The following AKAP9 variants were observed in gnomAD, a reference collection of about 807,000 sequenced individuals.
The protein encoded by AKAP9 is A-kinase anchor protein 9.
A neutral mutation model predicts 488.5 loss-of-function variants in AKAP9; 311 were observed. That is an observed-to-expected ratio of 0.64 (90% CI 0.58 to 0.70). The LOEUF is 0.70. AKAP9 is among the 30% of genes least tolerant of loss of function. The pLI, the probability that AKAP9 is intolerant of heterozygous loss-of-function variation, is 0.00. For missense variants in AKAP9, 4,215 were observed against 4,374.5 expected (o/e 0.96, Z 1.03); for synonymous variants, 1,462 against 1,483.5 (o/e 0.99, Z 0.33).
rs570611837 is a variant in AKAP9, at chr7:92,014,882, C to T, written c.3612+554C>T. On this transcript the variant is annotated intron_variant, in intron 10 of 49. Coordinates refer to ENST00000356239, the MANE Select transcript of AKAP9 (RefSeq NM_005751.5). ...GAACAGACACTAATTGTTGATGTTG[C>T]CATAGATGAGTTATAAGGACAAGAT... is the stretch of plus-strand genomic sequence containing the variant. 3.3e-5 allele frequency among the ~76,000 whole-genome samples: 5 copies of T among 152,140 alleles called. No individual in the cohort carries two copies. The East Asian group carries it at 9.7e-4, about 29-fold the overall frequency.
chr7:91,992,339 C>A, intron 4 of AKAP9, 128 bp downstream of exon 4: 1 of 801,618 alleles, frequency 1.2e-6, no homozygotes, highest in Non-Finnish European at 2.2e-6. Flanking sequence ...TTAATGTTTA[C>A]TAAAACAAAG....
chr7:92,023,027 G>C lies in AKAP9; in HGVS notation c.4148+18G>C, dbSNP rs375733678. 4.3e-4 allele frequency: 694 copies of C among 1,605,660 alleles called. No homozygotes were observed. The highest frequency in any genetic ancestry group is 5.8e-4 in the Non-Finnish European group (676 of 1,172,440). ...CCGCCAAGGTATTCATCTGCTTATA[G>C]CTTCATTCAACAGTATTTGTAGCTT... On this transcript the variant is annotated intron_variant, in intron 14 of 49. Coordinates refer to ENST00000356239, the MANE Select transcript of AKAP9 (RefSeq NM_005751.5).
intron 12 of AKAP9, 108 bp downstream of exon 12, chr7:92,017,210 A>T: frequency 1.2e-6 from 1 of 853,126 alleles, no homozygotes; most frequent in East Asian, 2.7e-5. Flanking sequence ...GAACATGAAA[A>T]AGGAGATTGG....
At chr7:92,061,543 T>C in intron 23 of AKAP9, 121 bp downstream of exon 23, 3 of 955,664 alleles carry the variant, frequency 3.1e-6, no homozygotes, top group Non-Finnish European at 4.6e-6. Context: ...TAAAAAGTAC[T>C]TGTGGTTTAT....
rs1294301871 is a variant in AKAP9 at position 92,110,169 on chromosome 7, ACAT to A, written c.*14_*16del. 1.3e-6 allele frequency: 2 copies of A among 1,592,526 alleles called. No individual in the cohort carries two copies. The highest frequency in any genetic ancestry group is 1.7e-6 in the Non-Finnish European group (2 of 1,163,976). ...TGGCATGAGAAGATAATCCTTTGAA[ACAT>A]CATTAATTGAAGTGATTTTAAATAG... On this transcript the variant is annotated 3_prime_UTR_variant, in exon 50 of 50. Coordinates refer to ENST00000356239, the MANE Select transcript of AKAP9 (RefSeq NM_005751.5).
At chr7:92,045,588 T>C (rs1047723146) in intron 21 of AKAP9, among the ~76,000 whole-genome samples, 1 of 152,170 alleles carries the variant, frequency 6.6e-6, no homozygotes, top group African/African-American at 2.4e-5. Context: ...TAAAGACTTT[T>C]TAGGAACCCA....
Position 91,940,928 on chromosome 7 carries a change from C to T in AKAP9, c.-172C>T. On this transcript the variant is annotated 5_prime_UTR_variant, in exon 1 of 50. It adds an upstream start codon to the 5' untranslated region. Transcript: ENST00000356239. ...ACGGCGCTTCCCGTGCGGCTGAGGA[C>T]GATCCGCCAGTGAGCGCGGAGACTG... 2.7e-6 allele frequency: 2 copies of T among 728,348 alleles called. No homozygotes were observed. Among genetic ancestry groups the T allele is most frequent in the Non-Finnish European group, 4.9e-6 (2 of 410,996 alleles). 45.1% of individuals were successfully genotyped at this position (728,348 alleles called of 1,614,324 possible).
At chr7:92,070,401 G>GTTTTGTT (rs112147456) in intron 27 of AKAP9, among the ~76,000 whole-genome samples, 195 bp downstream of exon 27, 1 of 145,436 alleles carries the variant, frequency 6.9e-6, no homozygotes, top group Non-Finnish European at 1.5e-5. Context: ...TGTTGTTGTT[G>GTTTTGTT]TTGTTTTGTT....
At chr7:92,034,601 A>G (rs191571491) in intron 16 of AKAP9, among the ~76,000 whole-genome samples, 1 of 147,836 alleles carries the variant, frequency 6.8e-6, no homozygotes, top group Non-Finnish European at 1.5e-5. Context: ...TCTGGATTCA[A>G]GTGATTCTCC....
chr7:92,011,782 T>C (rs1800782576), intron 8 of AKAP9, among the ~76,000 whole-genome samples: 1 of 152,216 alleles, frequency 6.6e-6, no homozygotes, highest in African/African-American at 2.4e-5. Flanking sequence ...CTGCATTCTA[T>C]GCACTGTTTT....
chr7:92,020,600 T>C (rs566445730), intron 12 of AKAP9, among the ~76,000 whole-genome samples: 1 of 152,374 alleles, frequency 6.6e-6, no homozygotes, highest in East Asian at 1.9e-4. Flanking sequence ...TTTCATGTTA[T>C]ATAATTGTTT....
At chr7:92,093,824 T>TTTTA (rs753217636) in intron 39 of AKAP9, among the ~76,000 whole-genome samples, 3 of 151,948 alleles carry the variant, frequency 2.0e-5, no homozygotes, top group Admixed American at 6.6e-5. Flanking sequence ...TTTATTTACT[T>TTTTA]TTTATTTATT....
At chr7:92,103,551 C>T (rs1817977083) in intron 46 of AKAP9, among the ~76,000 whole-genome samples, 1 of 151,130 alleles carries the variant, frequency 6.6e-6, no homozygotes, top group Non-Finnish European at 1.5e-5. Context: ...AAAAATTAGC[C>T]AGGCGTGGTG....
chr7:92,029,129 T>C (rs535668494), intron 14 of AKAP9, among the ~76,000 whole-genome samples: 30 of 151,980 alleles, frequency 2.0e-4, no homozygotes, highest in African/African-American at 4.8e-4. Context: ...CTTTTTTTTT[T>C]CCCATGGATC....
intron 16 of AKAP9, among the ~76,000 whole-genome samples, chr7:92,036,009 G>A (rs1056114369): frequency 5.3e-5 from 8 of 151,166 alleles, no homozygotes; most frequent in Admixed American, 5.3e-4. Flanking sequence ...AAATTCTTTA[G>A]AAGTTTTTTT....
chr7:91,981,255 C>T (rs553402773), intron 3 of AKAP9, among the ~76,000 whole-genome samples: 40 of 152,260 alleles, frequency 2.6e-4, no homozygotes, highest in African/African-American at 8.4e-4. Context: ...GGGGCGCATA[C>T]AGTTGGCCCT....
Position 92,001,262 on chromosome 7 carries a change from A to G in AKAP9, c.1345A>G (p.Lys449Glu). 1 of 1,614,006 alleles carries G rather than the reference A, an allele frequency of 6.2e-7. No homozygotes were observed. Among genetic ancestry groups the G allele is most frequent in the Non-Finnish European group, 8.5e-7 (1 of 1,179,920 alleles). The change falls in exon 8 of 50, where the codon AAA becomes GAA. Residue 449 changes from lysine (K) to glutamate (E), a missense_variant. This residue lies in a region of AKAP9 where 2,361 missense variants were observed against 2,430.0 expected (regional missense o/e 0.97). Coordinates refer to ENST00000356239, the MANE Select transcript of AKAP9 (RefSeq NM_005751.5). ...GTATGGGCAGCAGATAGTGCAAATG[A>G]AACAAGAATTAATAAGACAACACAT... ...EMYGQQIVQM[K>E]QELIRQHMAQ...
intron 1 of AKAP9, chr7:91,970,511 A>AGTGTCAGACAGGTC: frequency 4.4e-6 from 2 of 456,254 alleles, no homozygotes; most frequent in Middle Eastern, 6.5e-4. Flanking sequence ...TCAGACAGGT[A>AGTGTCAGACAGGTC]TGTGTTAGTG....
chr7:92,077,831 G>A lies in AKAP9; in HGVS notation c.6901G>A (p.Val2301Ile), dbSNP rs745520352. 5.6e-6 allele frequency: 9 copies of A among 1,613,476 alleles called. No homozygotes were observed. Among genetic ancestry groups the A allele is most frequent in the African/African-American group, 4.0e-5 (3 of 74,872 alleles). ...EVEIDQLNEQ[V>I]TKLQQQLKIT... ...AGAAATTGACCAATTAAATGAACAA[G>A]TTACGAAACTCCAGCAGCAACTTAA... is the stretch of plus-strand genomic sequence containing the variant. The change falls in exon 30 of 50, where the codon GTT becomes ATT. Residue 2301 changes from valine to isoleucine, a missense_variant. By Grantham distance (29) the Val-to-Ile change is conservative. Coordinates refer to ENST00000356239, the MANE Select transcript of AKAP9 (RefSeq NM_005751.5).
Sources: allele counts gnomAD v4.1 joint callset (sites outside exome capture counted in the v4.1 genomes callset), GRCh38; gene constraint gnomAD v4.1.1; regional missense constraint gnomAD v4.1.1; transcripts MANE v1.5; gene names NCBI Gene and HGNC (gene_info 2026-07-23, HGNC 2026-07-21).